THAP8: variants seen among roughly 807,000 people sequenced by gnomAD.
THAP8 encodes the protein THAP domain-containing protein 8.
A neutral mutation model predicts 25.0 loss-of-function variants in THAP8; 24 were observed. That is an observed-to-expected ratio of 0.96 (90% CI 0.69 to 1.35). The LOEUF (loss-of-function observed/expected upper bound fraction) is 1.35, where lower values mean the gene tolerates loss of function less well. Ranked by LOEUF, THAP8 falls within the 40% of genes most tolerant of loss-of-function variation. The pLI, the probability that THAP8 is intolerant of heterozygous loss-of-function variation, is 0.00. For missense variants in THAP8, 399 were observed against 368.8 expected (o/e 1.08, Z -0.67); for synonymous variants, 169 against 157.6 (o/e 1.07, Z -0.54).
rs1286221166 is a variant in THAP8 at position 36,054,153 on chromosome 19, C to A, written c.65G>T (p.Arg22Leu). 2 of 1,613,926 alleles carry A rather than the reference C, an allele frequency of 1.2e-6. No homozygotes were observed. The highest frequency in any genetic ancestry group is 1.7e-6 in the Non-Finnish European group (2 of 1,179,938). ...NTAGRLGADN[R>L]PVSFYKFPLK... ...CGCTCACTTGTAGAAGCTCACAGGG[C>A]GGTTGTCTGCACCCAGGCGGCCCGC... is the stretch of plus-strand genomic sequence containing the variant. The change falls in exon 1 of 4, where the codon CGC (arginine) becomes CTC (leucine). Residue 22 changes from arginine (R) to leucine (L), a missense_variant. By Grantham distance (102) the Arg-to-Leu change is moderately radical. Coordinates refer to ENST00000292894, the MANE Select transcript of THAP8 (RefSeq NM_152658.3).
chr19:36,039,728 A>G lies in THAP8; in HGVS notation c.277-10T>C, dbSNP rs1969618417. ...GGGTCCTCCGCTGACTCTGGAAGAC[A>G]AGGCATGGGGTGCAGGGGTGCCGTG... is the stretch of plus-strand genomic sequence containing the variant. On this transcript the variant is annotated splice_polypyrimidine_tract_variant and intron_variant, in intron 2 of 3. Coordinates refer to ENST00000292894, the MANE Select transcript of THAP8 (RefSeq NM_152658.3). 2.0e-6 allele frequency: 3 copies of G among 1,510,326 alleles called. No homozygotes were observed. Among genetic ancestry groups the G allele is most frequent in the Admixed American group, 2.3e-5 (1 of 43,794 alleles). 93.6% of individuals were successfully genotyped at this position (1,510,326 alleles called of 1,614,324 possible).
At chr19:36,045,554 C>CCACT (rs1369109481) in intron 1 of THAP8, among the ~76,000 whole-genome samples, 1 of 152,122 alleles carries the variant, frequency 6.6e-6, no homozygotes, top group Non-Finnish European at 1.5e-5. Flanking sequence ...CAGGCGTGAA[C>CCACT]CACTGTGCCA....
intron 1 of THAP8, among the ~76,000 whole-genome samples, chr19:36,044,120 CA>C (rs1375002910): frequency 6.6e-6 from 1 of 151,984 alleles, no homozygotes; most frequent in Non-Finnish European, 1.5e-5. Context: ...TATTTGCAGC[CA>C]GGGGTGGCCA....
At chr19:36,035,686 G>A (rs1599710781) in intron 3 of THAP8, 94 bp from the exon 4 acceptor site, 2 of 1,433,482 alleles carry the variant, frequency 1.4e-6, no homozygotes, top group Non-Finnish European at 1.9e-6. Context: ...GGCAAAGGTG[G>A]CAGGAGGGCG....
intron 2 of THAP8, 109 bp from the exon 3 acceptor site, chr19:36,039,827 C>A: frequency 6.4e-7 from 1 of 1,554,622 alleles, no homozygotes; most frequent in Non-Finnish European, 8.7e-7. Flanking sequence ...AAGGCCAGAC[C>A]TCAGGGAGGA....
At chr19:36,035,703 GA>G in intron 3 of THAP8, 111 bp from the exon 4 acceptor site, 1 of 1,233,214 alleles carries the variant, frequency 8.1e-7, no homozygotes, top group Non-Finnish European at 1.2e-6. Context: ...GGCGTGTCAG[GA>G]AACAGAGAGA....
chr19:36,041,312 TA>T (rs76247583), intron 1 of THAP8, among the ~76,000 whole-genome samples: 4,616 of 139,894 alleles, frequency 0.033, 60 homozygotes, highest in Middle Eastern at 0.043. Flanking sequence ...ACCCTGTCTT[TA>T]AAAAAAAAAA....
intron 1 of THAP8, chr19:36,045,989 A>G: frequency 2.5e-6 from 1 of 406,972 alleles, no homozygotes; most frequent in South Asian, 1.8e-5. Context: ...AGGGAGAAAT[A>G]AGAATGTCTT....
At chr19:36,048,792 G>C (rs1441500636) in intron 1 of THAP8, among the ~76,000 whole-genome samples, 1 of 139,936 alleles carries the variant, frequency 7.1e-6, no homozygotes, top group Non-Finnish European at 1.5e-5. Context: ...AGGCTGCAGT[G>C]AACCATGATG....
At chr19:36,047,545 G>A (rs139706518) in intron 1 of THAP8, among the ~76,000 whole-genome samples, 114 of 152,308 alleles carry the variant, frequency 7.5e-4, no homozygotes, top group African/African-American at 2.6e-3. Context: ...GAAAGAGGCC[G>A]GGCATGGTGG....
At chr19:36,036,372 C>T (rs940169181) in intron 3 of THAP8, among the ~76,000 whole-genome samples, 2 of 147,498 alleles carry the variant, frequency 1.4e-5, no homozygotes, top group African/African-American at 2.5e-5. Flanking sequence ...ACCTTCTGGA[C>T]TCAAGCAATA....
At chr19:36,040,942 C>A (rs375607010) in intron 1 of THAP8, among the ~76,000 whole-genome samples, 1 of 152,230 alleles carries the variant, frequency 6.6e-6, no homozygotes, top group Non-Finnish European at 1.5e-5. Context: ...ACCTTGCCTA[C>A]AACAAACAAT....
chr19:36,046,868 T>C (rs1969897863), intron 1 of THAP8, among the ~76,000 whole-genome samples: 1 of 152,152 alleles, frequency 6.6e-6, no homozygotes, highest in Non-Finnish European at 1.5e-5. Flanking sequence ...GGCGTGTGAC[T>C]ACCTTCTGGC....
At chr19:36,039,792 GT>G in intron 2 of THAP8, 74 bp from the exon 3 acceptor site, 1 of 1,496,328 alleles carries the variant, frequency 6.7e-7, no homozygotes. Context: ...TGGAGGGTCT[GT>G]TTCCAAGGGG....
At chr19:36,053,691 G>A (rs931427904) in intron 1 of THAP8, among the ~76,000 whole-genome samples, 1 of 152,052 alleles carries the variant, frequency 6.6e-6, no homozygotes, top group Admixed American at 6.6e-5. Flanking sequence ...TATGACGAAA[G>A]AGGTAAGGAT....
At chr19:36,045,611 A>G in intron 1 of THAP8, 3 of 405,546 alleles carry the variant, frequency 7.4e-6, no homozygotes. Flanking sequence ...TAAGTTAAGG[A>G]TCTTGAGATG....
chr19:36,053,188 C>T (rs1970115295), intron 1 of THAP8, among the ~76,000 whole-genome samples: 1 of 151,908 alleles, frequency 6.6e-6, no homozygotes, highest in African/African-American at 2.4e-5. Flanking sequence ...CTGCCTCAGC[C>T]CACGGAGTAG....
rs764593288 is a variant in THAP8 at position 36,040,023 on chromosome 19, C to T, written c.197G>A (p.Cys66Tyr). 6.2e-7 allele frequency: 1 copy of T among 1,613,820 alleles called. No individual in the cohort carries two copies. The highest frequency in any genetic ancestry group is 8.5e-7 in the Non-Finnish European group (1 of 1,179,950). ...HLCSEHFTPS[C>Y]FQWRWGVRYL... ...GCGCACACCCCAGCGCCACTGGAAG[C>T]AGGAGGGTGTGAAGTGCTCGCTGCA... The change falls in exon 2 of 4, where the codon TGC (cysteine) becomes TAC (tyrosine). Residue 66 changes from cysteine to tyrosine, a missense_variant. By Grantham distance (194) the Cys-to-Tyr change is radical. Coordinates refer to ENST00000292894, the MANE Select transcript of THAP8 (RefSeq NM_152658.3).
At chr19:36,045,900 A>G (rs1447112482) in intron 1 of THAP8, 16 of 456,524 alleles carry the variant, frequency 3.5e-5, no homozygotes, top group South Asian at 2.5e-4. Context: ...CCTGGCCTCT[A>G]GAACTGTTAG....
Sources: allele counts gnomAD v4.1 joint callset (sites outside exome capture counted in the v4.1 genomes callset), GRCh38; gene constraint gnomAD v4.1.1; transcripts MANE v1.5; gene names NCBI Gene and HGNC (gene_info 2026-07-23, HGNC 2026-07-21).